Variants in PRDM2 observed in about 807,000 individuals in gnomAD.
The protein encoded by PRDM2 is PR/SET domain 2, also known as PR domain zinc finger protein 2.
In PRDM2, 30 loss-of-function variants were observed where a neutral mutation model predicts 130.0. The ratio of observed to expected loss-of-function variants is 0.23; its 90% CI spans 0.17 to 0.31. The LOEUF (loss-of-function observed/expected upper bound fraction) is 0.31. Among genes scored for constraint, PRDM2 ranks in the 10% least tolerant of loss-of-function variants. PRDM2 has a pLI of 1.00. For synonymous variants in PRDM2, 871 were observed against 782.4 expected, an observed-to-expected ratio of 1.11 and a Z score of -1.89; for missense variants, 2,011 against 2,108.4, an observed-to-expected ratio of 0.95 and a Z score of 0.90.
At chr1:13,807,916 G>A (rs1235091880) in intron 8 of PRDM2, among the ~76,000 whole-genome samples, 1 of 152,160 alleles carries the variant, frequency 6.6e-6, no homozygotes, top group Non-Finnish European at 1.5e-5. Flanking sequence ...TTTGAGGTCT[G>A]CCCTCTGCCC....
chr1:13,807,643 T>G (rs897896249), intron 8 of PRDM2, among the ~76,000 whole-genome samples: 7 of 152,284 alleles, frequency 4.6e-5, no homozygotes, highest in African/African-American at 1.7e-4. Context: ...AGGAACAGCC[T>G]GTGCCGAGTC....
rs867776368 is a variant in PRDM2 at position 13,805,018 on chromosome 1, C to G, written c.5037-11409C>G. Among the ~76,000 whole-genome samples the G allele has an allele frequency of 1.3e-5, 2 of 152,286 alleles. 1 individual carries two copies. The highest frequency in any genetic ancestry group is 6.8e-3 in the Middle Eastern group (2 of 294). On this transcript the variant is annotated intron_variant, in intron 8 of 9. Transcript: ENST00000311066. ...TCCTGGATTCAAATCTTGGCTGCTT[C>G]TCTACTTGGCCGAGGGAACTTGAGT... is the stretch of plus-strand genomic sequence containing the variant.
chr1:13,814,064 G>A (rs936730787), intron 8 of PRDM2, among the ~76,000 whole-genome samples: 2 of 152,202 alleles, frequency 1.3e-5, no homozygotes, highest in South Asian at 2.1e-4. Context: ...GGGGGACATC[G>A]TAGGGAGGGG....
chr1:13,752,833 G>T (rs921287019), intron 6 of PRDM2, among the ~76,000 whole-genome samples: 1 of 152,178 alleles, frequency 6.6e-6, no homozygotes, highest in African/African-American at 2.4e-5. Flanking sequence ...CTGAGATGAA[G>T]TTTCCCTAGC....
chr1:13,722,438 A>G (rs1212590265), intron 2 of PRDM2, among the ~76,000 whole-genome samples: 4 of 152,092 alleles, frequency 2.6e-5, no homozygotes, highest in Non-Finnish European at 5.9e-5. Context: ...AGGAACCCAG[A>G]TGCCTGTAGG....
At chr1:13,721,108 A>G (rs913474909) in intron 2 of PRDM2, among the ~76,000 whole-genome samples, 3 of 152,178 alleles carry the variant, frequency 2.0e-5, no homozygotes, top group South Asian at 2.1e-4. Flanking sequence ...AGTGGAATAC[A>G]TATAGTCCTT....
intron 6 of PRDM2, among the ~76,000 whole-genome samples, chr1:13,755,753 T>TA (rs1254925777): frequency 6.6e-6 from 1 of 152,050 alleles, no homozygotes; most frequent in East Asian, 1.9e-4. Context: ...GGGAGCATTA[T>TA]AGAGAGGAGG....
At chr1:13,772,393 A>G (rs1644379805) in intron 6 of PRDM2, among the ~76,000 whole-genome samples, 1 of 152,228 alleles carries the variant, frequency 6.6e-6, no homozygotes, top group South Asian at 2.1e-4. Context: ...TTGTAAACGT[A>G]TGGTATCACT....
intron 8 of PRDM2, among the ~76,000 whole-genome samples, chr1:13,784,151 C>T (rs930709637): frequency 2.0e-5 from 3 of 152,198 alleles, no homozygotes; most frequent in Non-Finnish European, 4.4e-5. Flanking sequence ...GACCAACGCT[C>T]GGTCTCTGGC....
At chr1:13,768,285 G>A (rs529609394) in intron 6 of PRDM2, among the ~76,000 whole-genome samples, 4 of 151,052 alleles carry the variant, frequency 2.6e-5, no homozygotes, top group Admixed American at 1.3e-4. Flanking sequence ...GGGTTTCACC[G>A]CACTAGCCAG....
At chr1:13,784,592 A>C (rs750931717) in intron 8 of PRDM2, among the ~76,000 whole-genome samples, 6 of 152,206 alleles carry the variant, frequency 3.9e-5, no homozygotes, top group Admixed American at 1.3e-4. Context: ...AATAGCCTCT[A>C]CCCAGTGTCT....
intron 2 of PRDM2, among the ~76,000 whole-genome samples, chr1:13,721,924 T>C (rs188122024): frequency 1.3e-4 from 20 of 152,320 alleles, no homozygotes; most frequent in Admixed American, 1.2e-3. Context: ...GGGACAGTAA[T>C]GGTGCCTACC....
At chr1:13,736,663 A>C (rs981263540) in intron 4 of PRDM2, among the ~76,000 whole-genome samples, 1 of 152,090 alleles carries the variant, frequency 6.6e-6, no homozygotes, top group African/African-American at 2.4e-5. Flanking sequence ...ACTTTTTATA[A>C]ATTTTGCCAA....
intron 8 of PRDM2, chr1:13,787,988 T>A (rs1333028748): frequency 1.0e-6 from 1 of 985,226 alleles, no homozygotes. Flanking sequence ...AAAAAAGATT[T>A]GTTGTGCTAT....
intron 6 of PRDM2, among the ~76,000 whole-genome samples, chr1:13,762,266 C>A (rs1644117635): frequency 6.6e-6 from 1 of 152,254 alleles, no homozygotes; most frequent in Admixed American, 6.5e-5. Flanking sequence ...CAAATCATGG[C>A]CCAAGGGCTG....
intron 6 of PRDM2, among the ~76,000 whole-genome samples, chr1:13,768,546 ATTTTTGTAT>A (rs1437610276): frequency 6.6e-6 from 1 of 151,374 alleles, no homozygotes; most frequent in Non-Finnish European, 1.5e-5. Flanking sequence ...TGGCTGGCTA[ATTTTTGTAT>A]TTTTAGTAGA....
At chr1:13,786,090 G>A (rs1239210861) in intron 8 of PRDM2, among the ~76,000 whole-genome samples, 3 of 151,862 alleles carry the variant, frequency 2.0e-5, no homozygotes, top group Non-Finnish European at 2.9e-5. Flanking sequence ...CGCCCGTCTC[G>A]GCCTCCTGCA....
At chr1:13,802,687 A>T (rs1197243979) in intron 8 of PRDM2, among the ~76,000 whole-genome samples, 5 of 152,182 alleles carry the variant, frequency 3.3e-5, no homozygotes, top group Non-Finnish European at 7.4e-5. Context: ...CTTACCATCT[A>T]AAAAGGGCTC....
At chr1:13,818,077 A>G (rs1182261261) in intron 9 of PRDM2, among the ~76,000 whole-genome samples, 2 of 152,186 alleles carry the variant, frequency 1.3e-5, no homozygotes, top group Non-Finnish European at 2.9e-5. Flanking sequence ...ACCACCCCCC[A>G]CAGCCCTGCT....
Sources: allele counts gnomAD v4.1 joint callset (sites outside exome capture counted in the v4.1 genomes callset), GRCh38; gene constraint gnomAD v4.1.1; transcripts MANE v1.5; gene names NCBI Gene and HGNC (gene_info 2026-07-23, HGNC 2026-07-21).